Variants in RPS6KA2 observed in about 807,000 individuals in gnomAD.
RPS6KA2 encodes ribosomal protein S6 kinase A2.
A neutral mutation model predicts 91.8 loss-of-function variants in RPS6KA2; 42 were observed. The observed-to-expected ratio is 0.46, with a 90% CI of 0.36 to 0.59. The LOEUF is 0.59. Ranked by LOEUF, RPS6KA2 falls within the 20% of genes least tolerant of loss-of-function variation. The pLI, the probability that RPS6KA2 is intolerant of heterozygous loss-of-function variation, is 0.00. For synonymous variants in RPS6KA2, 414 were observed against 393.6 expected (o/e 1.05, Z -0.61); for missense variants, 798 against 978.5 (o/e 0.82, Z 2.46).
chr6:166,585,301 A>G (rs993794369), intron 1 of RPS6KA2, among the ~76,000 whole-genome samples: 1 of 152,170 alleles, frequency 6.6e-6, no homozygotes, highest in Admixed American at 6.5e-5. Context: ...CTTCTTCATT[A>G]TGACTTTTTT....
intron 2 of RPS6KA2, among the ~76,000 whole-genome samples, chr6:166,760,649 G>T (rs1265377056): frequency 6.6e-6 from 1 of 152,184 alleles, no homozygotes; most frequent in East Asian, 1.9e-4. Context: ...CACATATTTT[G>T]CTGGAATCGC....
At chr6:166,798,624 T>C (rs1357638869) in intron 2 of RPS6KA2, among the ~76,000 whole-genome samples, 4 of 152,234 alleles carry the variant, frequency 2.6e-5, no homozygotes, top group Non-Finnish European at 5.9e-5. Context: ...TCAGTGTACA[T>C]GCAAAGACCA....
intron 2 of RPS6KA2, among the ~76,000 whole-genome samples, chr6:166,673,777 T>C (rs182662427): frequency 1.4e-4 from 22 of 152,376 alleles, no homozygotes; most frequent in African/African-American, 5.3e-4. Context: ...GTATTTTATG[T>C]GTGGCCCAGA....
intron 2 of RPS6KA2, among the ~76,000 whole-genome samples, chr6:166,653,324 G>C (rs1030999643): frequency 1.3e-5 from 2 of 152,212 alleles, no homozygotes; most frequent in Non-Finnish European, 2.9e-5. Flanking sequence ...GCCTCCCAAA[G>C]TGCTGGGATT....
At chr6:166,571,922 T>C (rs907239715) in intron 1 of RPS6KA2, among the ~76,000 whole-genome samples, 3 of 152,208 alleles carry the variant, frequency 2.0e-5, no homozygotes, top group African/African-American at 4.8e-5. Context: ...AAACGTGCCA[T>C]GTTGGCATTA....
chr6:166,531,287 C>A lies in RPS6KA2; in HGVS notation c.243G>T (p.Gly81=). ...GKVFLVRKVK[G]SDAGQLYAMK... is the part of the protein sequence containing the mutation. ...TGGCGTAGAGCTGCCCAGCGTCGGA[C>A]CCCTTCACCTTCCTCACCAGGAACA... is the stretch of plus-strand genomic sequence containing the variant. Residue 81 remains glycine (G), a synonymous_variant, in exon 3 of 21, where the codon GGG becomes GGT. Coordinates refer to ENST00000265678, the MANE Select transcript of RPS6KA2 (RefSeq NM_021135.6). The A allele has an allele frequency of 1.9e-6, 3 of 1,614,084 alleles. No individual in the cohort carries two copies. The highest frequency in any genetic ancestry group is 2.5e-6 in the Non-Finnish European group (3 of 1,179,962).
At chr6:166,859,945 T>G (rs1031620710) in intron 1 of RPS6KA2, among the ~76,000 whole-genome samples, 4 of 152,240 alleles carry the variant, frequency 2.6e-5, no homozygotes, top group African/African-American at 9.6e-5. Context: ...GAGAAAAGCA[T>G]GCAGGCTCCT....
At chr6:166,632,888 G>A (rs1787125004) in intron 2 of RPS6KA2, among the ~76,000 whole-genome samples, 1 of 152,110 alleles carries the variant, frequency 6.6e-6, no homozygotes, top group African/African-American at 2.4e-5. Flanking sequence ...GGTGTGGGGA[G>A]GCCAGAGGAC....
rs1217734870 is a variant in RPS6KA2, at chr6:166,821,181, C to T, written c.123+37019G>A. Among the ~76,000 whole-genome samples, 3 of 152,176 alleles carry T rather than the reference C, an allele frequency of 2.0e-5. No homozygotes were observed. The highest frequency in any genetic ancestry group is 3.8e-4 in the East Asian group (2 of 5,204). ...AAAATTGTATAAATGTAAAACACAT[C>T]TAGCAAATTTGAAGTGTTATTTCGA... On this transcript the variant is annotated intron_variant, in intron 2 of 21. Transcript: ENST00000503859. The surrounding 1 kb of genome is among the most constrained non-coding windows in gnomAD (Gnocchi z 4.1).
chr6:166,717,376 C>G (rs1790042125), intron 2 of RPS6KA2, among the ~76,000 whole-genome samples: 1 of 152,214 alleles, frequency 6.6e-6, no homozygotes, highest in South Asian at 2.1e-4. Flanking sequence ...AGACCAGCCA[C>G]AGCCTGGAGG....
upstream of RPS6KA2, among the ~76,000 whole-genome samples, chr6:166,629,818 A>G (rs113046888): frequency 2.0e-5 from 3 of 152,294 alleles, no homozygotes; most frequent in African/African-American, 7.2e-5. Context: ...TGCTGCTTCT[A>G]TGAGTACCAG....
chr6:166,818,044 AC>A (rs760746782), intron 2 of RPS6KA2, among the ~76,000 whole-genome samples: 33 of 152,164 alleles, frequency 2.2e-4, no homozygotes, highest in Non-Finnish European at 3.4e-4. Flanking sequence ...TTTGAAAGTA[AC>A]TTGCAGATAT....
At chr6:166,848,368 A>G (rs1287619091) in intron 2 of RPS6KA2, among the ~76,000 whole-genome samples, 1 of 152,240 alleles carries the variant, frequency 6.6e-6, no homozygotes, top group Admixed American at 6.5e-5. Flanking sequence ...TTTAAGAACT[A>G]AAAGTAGATC....
chr6:166,679,534 G>A (rs1233328529), intron 2 of RPS6KA2, among the ~76,000 whole-genome samples: 1 of 152,226 alleles, frequency 6.6e-6, no homozygotes, highest in African/African-American at 2.4e-5. Context: ...AACATGAGAT[G>A]AAGGATAATG....
Position 166,434,414 on chromosome 6 carries a change from G to A in RPS6KA2, c.1333-1924C>T, listed in dbSNP as rs543874168. ...GCCAACATAAATGCATCATTCTCAAGTAGAGACTTTTAAAACGATCATTCA... is the reference window on the plus strand; with the variant it reads ...GCCAACATAAATGCATCATTCTCAAATAGAGACTTTTAAAACGATCATTCA... On this transcript the variant is annotated intron_variant, in intron 14 of 20. Transcript: ENST00000265678. The surrounding 1 kb of genome is among the most constrained non-coding windows in gnomAD (Gnocchi z 4.4). Among the ~76,000 whole-genome samples, 117 of 152,190 alleles carry A rather than the reference G, an allele frequency of 7.7e-4. No homozygotes were observed. The highest frequency in any genetic ancestry group is 1.4e-3 in the Non-Finnish European group (93 of 68,018).
At chr6:166,748,542 ATCC>A (rs1791102681) in intron 2 of RPS6KA2, among the ~76,000 whole-genome samples, 1 of 43,786 alleles carries the variant, frequency 2.3e-5, no homozygotes, top group African/African-American at 9.5e-5. Flanking sequence ...CGGGCCCCCC[ATCC>A]CCTTGGGCCC....
intron 1 of RPS6KA2, among the ~76,000 whole-genome samples, chr6:166,595,956 A>G (rs1785519959): frequency 6.6e-6 from 1 of 152,268 alleles, no homozygotes; most frequent in African/African-American, 2.4e-5. Context: ...ATAGTATCCA[A>G]CCAGTTTTTT....
At chr6:166,475,899 A>G in intron 10 of RPS6KA2, 2 of 496,532 alleles carry the variant, frequency 4.0e-6, no homozygotes, top group Non-Finnish European at 8.3e-6. Context: ...GGACATGTAT[A>G]AACACATTAT....
chr6:166,846,402 A>T (rs1328942037), intron 2 of RPS6KA2, among the ~76,000 whole-genome samples: 2 of 58,056 alleles, frequency 3.4e-5, no homozygotes, highest in East Asian at 6.4e-4. Context: ...GGAAGGACAT[A>T]AAAAAAAAGA....
Sources: gnomAD v4.1 joint callset for allele counts (sites outside exome capture counted in the v4.1 genomes callset) on GRCh38, gnomAD v4.1.1 for gene constraint, Gnocchi (gnomAD v3.1) non-coding constraint, MANE v1.5 for transcripts, NCBI Gene and HGNC (gene_info 2026-07-23, HGNC 2026-07-21) for gene names.